The following MTUS1 variants were observed in gnomAD, a reference collection of about 807,000 sequenced individuals.
MTUS1 encodes the protein microtubule associated scaffold protein 1.
In MTUS1, 109 loss-of-function variants were observed where a neutral mutation model predicts 120.8. The ratio of observed to expected loss-of-function variants is 0.90; its 90% CI spans 0.77 to 1.06. The LOEUF (loss-of-function observed/expected upper bound fraction) is 1.06, where lower values mean the gene tolerates loss of function less well. MTUS1 is among the 50% of genes least tolerant of loss of function. MTUS1 has a pLI of 0.00. For missense variants in MTUS1, 2,210 were observed against 1,486.3 expected (o/e 1.49, Z -8.01); for synonymous variants, 737 against 550.5 (o/e 1.34, Z -4.74).
chr8:17,776,456 C>T (rs1033180003), intron 1 of MTUS1, among the ~76,000 whole-genome samples: 8 of 151,780 alleles, frequency 5.3e-5, no homozygotes, highest in African/African-American at 9.7e-5. Context: ...CCAAGGTGGG[C>T]GGATCACCTG....
intron 1 of MTUS1, among the ~76,000 whole-genome samples, chr8:17,779,955 GA>G (rs764957039): frequency 5.3e-5 from 8 of 152,184 alleles, no homozygotes; most frequent in Non-Finnish European, 1.2e-4. Flanking sequence ...TGTTTAACAG[GA>G]ATCTCTGACA....
At chr8:17,769,079 C>A (rs1171984587) in intron 1 of MTUS1, among the ~76,000 whole-genome samples, 3 of 151,898 alleles carry the variant, frequency 2.0e-5, no homozygotes, top group African/African-American at 7.3e-5. Flanking sequence ...GGAGCAAGCC[C>A]CTAGCTGGTG....
At chr8:17,656,237 G>A (rs1195952113) in intron 8 of MTUS1, among the ~76,000 whole-genome samples, 172 bp from the exon 9 acceptor site, 4 of 152,130 alleles carry the variant, frequency 2.6e-5, no homozygotes, top group Non-Finnish European at 5.9e-5. Flanking sequence ...CTGTAAAAAG[G>A]AACACGAGGG....
chr8:17,731,060 C>T (rs73580538), intron 3 of MTUS1, among the ~76,000 whole-genome samples: 10,635 of 151,448 alleles, frequency 0.07, 428 homozygotes, highest in East Asian at 0.16. Flanking sequence ...AATAAAAGTC[C>T]TACTGGAATA....
chr8:17,757,303 A>G (rs2048698400), intron 1 of MTUS1, among the ~76,000 whole-genome samples: 2 of 151,974 alleles, frequency 1.3e-5, no homozygotes. Context: ...GCCAGTCATG[A>G]AAGTCTACAT....
intron 1 of MTUS1, among the ~76,000 whole-genome samples, chr8:17,781,371 CA>C (rs1755368566): frequency 6.6e-6 from 1 of 152,140 alleles, no homozygotes; most frequent in Non-Finnish European, 1.5e-5. Flanking sequence ...CCCTAAATTT[CA>C]ACTTAAAATG....
At chr8:17,721,737 C>G (rs748665040) in intron 4 of MTUS1, 3 of 1,587,474 alleles carry the variant, frequency 1.9e-6, no homozygotes. Context: ...ACGTGGCTAA[C>G]AAAGGAATTA....
At chr8:17,701,614 C>T (rs1346421095) in intron 6 of MTUS1, among the ~76,000 whole-genome samples, 1 of 152,032 alleles carries the variant, frequency 6.6e-6, no homozygotes, top group Non-Finnish European at 1.5e-5. Context: ...GTGGCGTGAT[C>T]TCGGCTCACT....
intron 4 of MTUS1, chr8:17,722,242 A>T: frequency 1.0e-6 from 1 of 994,802 alleles, no homozygotes; most frequent in Non-Finnish European, 1.2e-6. Flanking sequence ...CCAAGTCAAC[A>T]TGGATGTCGA....
At chr8:17,752,584 G>A (rs9325821) in intron 2 of MTUS1, among the ~76,000 whole-genome samples, 139,650 of 152,202 alleles carry the variant, frequency 0.92, 64,250 homozygotes, top group Middle Eastern at 0.97. Flanking sequence ...GAATATCTTC[G>A]GTCTTTCCTA....
At chr8:17,666,226 G>C (rs1332951618) in intron 8 of MTUS1, among the ~76,000 whole-genome samples, 1 of 150,066 alleles carries the variant, frequency 6.7e-6, no homozygotes, top group African/African-American at 2.5e-5. Flanking sequence ...ATTCAGGCCT[G>C]AGAAAAAGTG....
Position 17,684,402 on chromosome 8 carries a change from G to A in MTUS1, c.2764C>T (p.Leu922Phe), listed in dbSNP as rs1356938832. 6.2e-7 allele frequency: 1 copy of A among 1,614,052 alleles called. No homozygotes were observed. The highest frequency in any genetic ancestry group is 1.3e-5 in the African/African-American group (1 of 74,914). ...CENQSGFILQLKQLLACGNTK... is the reference protein window; with the variant it reads ...CENQSGFILQFKQLLACGNTK... The stretch of plus-strand genomic sequence containing the variant: ...TTACCACAGGCAAGAAGCTGCTTGA[G>A]CTGCAGGATAAATCCACTTTGGTTT... The change falls in exon 7 of 15, where the codon CTC (leucine) becomes TTC (phenylalanine). Residue 922 changes from leucine to phenylalanine, a missense_variant. Transcript: ENST00000693296.
chr8:17,764,943 T>C (rs756560758), intron 1 of MTUS1, among the ~76,000 whole-genome samples: 1 of 152,184 alleles, frequency 6.6e-6, no homozygotes, highest in Non-Finnish European at 1.5e-5. Flanking sequence ...TCTATTAGTA[T>C]TACATTGTAA....
At chr8:17,703,334 A>G (rs140860915) in intron 6 of MTUS1, among the ~76,000 whole-genome samples, 2 of 152,072 alleles carry the variant, frequency 1.3e-5, no homozygotes, top group Admixed American at 6.5e-5. Context: ...TGTCTGTCCT[A>G]TGCGGTGGAG....
chr8:17,743,044 T>C (rs1250232165), intron 3 of MTUS1, among the ~76,000 whole-genome samples: 2 of 152,158 alleles, frequency 1.3e-5, no homozygotes, highest in Admixed American at 6.5e-5. Context: ...TTTAGTATGA[T>C]ACTTAATAGC....
chr8:17,755,850 C>T lies in MTUS1; in HGVS notation c.-43G>A. 1 of 1,562,814 alleles carries T rather than the reference C, an allele frequency of 6.4e-7. No individual in the cohort carries two copies. Among genetic ancestry groups the T allele is most frequent in the East Asian group, 2.2e-5 (1 of 44,528 alleles). ...AACCTCTGCCATTTTATTTCTTCTT[C>T]AATTCCTTTTAAATGAGAGGGTGGG... On this transcript the variant is annotated 5_prime_UTR_variant, in exon 2 of 15. Coordinates refer to ENST00000693296, the MANE Select transcript of MTUS1 (RefSeq NM_001363059.2).
In MTUS1 at chr8:17,754,064, G is replaced by C. The variant is rs775700019; in HGVS notation, c.1744C>G (p.Leu582Val). The C allele has an allele frequency of 8.1e-6, 13 of 1,613,982 alleles. No individual in the cohort carries two copies. Among genetic ancestry groups the C allele is most frequent in the South Asian group, 1.1e-5 (1 of 91,072 alleles). The change falls in exon 2 of 15, where the codon CTC (leucine) becomes GTC (valine). Residue 582 changes from leucine to valine, a missense_variant. By Grantham distance (32) the Leu-to-Val change is conservative. Transcript: ENST00000693296. ...NKTHKQQFNK[L>V]ITSQAVHVTT... is the part of the protein sequence containing the mutation. ...ACATGCACAGCCTGGCTAGTAATGA[G>C]TTTATTAAACTGCTGCTTATGTGTC...
In MTUS1 at chr8:17,716,136, C is replaced by G. The variant is rs529112019; in HGVS notation, c.2450-235G>C. 1.1e-4 allele frequency among the ~76,000 whole-genome samples: 16 copies of G among 152,288 alleles called. No individual in the cohort carries two copies. The South Asian group carries it at 3.1e-3, about 30-fold the overall frequency. On this transcript the variant is annotated intron_variant, in intron 4 of 14. Coordinates refer to ENST00000693296, the MANE Select transcript of MTUS1 (RefSeq NM_001363059.2). ...CCTGGTTAGCCTGGCACAGTCCAAG[C>G]TTATGCATCTTGTCCAGTTCAGCTT...
intron 1 of MTUS1, among the ~76,000 whole-genome samples, chr8:17,757,985 C>T (rs2048752171): frequency 6.6e-6 from 1 of 151,976 alleles, no homozygotes; most frequent in African/African-American, 2.4e-5. Flanking sequence ...AATTTGTTAA[C>T]TCTTTTTACT....
Sources: gnomAD v4.1 joint callset for allele counts (sites outside exome capture counted in the v4.1 genomes callset) on GRCh38, gnomAD v4.1.1 for gene constraint, MANE v1.5 for transcripts, NCBI Gene and HGNC (gene_info 2026-07-23, HGNC 2026-07-21) for gene names.